Variants in CTXND2 observed in about 807,000 individuals in gnomAD.
The protein encoded by CTXND2 is cortexin domain containing 2.
intron 1 of CTXND2, among the ~76,000 whole-genome samples, chr1:150,905,580 T>C (rs1669127777): frequency 6.6e-6 from 1 of 152,148 alleles, no homozygotes; most frequent in African/African-American, 2.4e-5. Flanking sequence ...ACAATACTAC[T>C]TATAATCTAA....
At chr1:150,898,262 CTCAGAG>C (rs1668936177) in intron 1 of CTXND2, among the ~76,000 whole-genome samples, 1 of 151,960 alleles carries the variant, frequency 6.6e-6, no homozygotes, top group African/African-American at 2.4e-5. Flanking sequence ...CTGCAGATGC[CTCAGAG>C]TCAATCTCCT....
intron 1 of CTXND2, among the ~76,000 whole-genome samples, chr1:150,904,651 A>G (rs1669105365): frequency 6.6e-6 from 1 of 152,228 alleles, no homozygotes; most frequent in African/African-American, 2.4e-5. Flanking sequence ...GCAAGGGTTG[A>G]AGATAAATAA....
chr1:150,899,027 G>C lies in CTXND2; in HGVS notation c.-74+11714G>C, dbSNP rs587689825. ...GCAGGAGAATGGCATGAACCCGGGAGGGGGAGCTTGCAGTGAGCTGAGATC... is the reference window on the plus strand; with the variant it reads ...GCAGGAGAATGGCATGAACCCGGGACGGGGAGCTTGCAGTGAGCTGAGATC... On this transcript the variant is annotated intron_variant, in intron 1 of 1. Coordinates refer to ENST00000636087, the Ensembl canonical transcript of CTXND2. Among the ~76,000 whole-genome samples, 207 of 151,218 alleles carry C rather than the reference G, an allele frequency of 1.4e-3. 1 individual carries two copies. Among genetic ancestry groups the C allele is most frequent in the African/African-American group, 4.5e-3 (185 of 41,394 alleles).
chr1:150,903,980 A>G (rs1669090561), intron 1 of CTXND2: 1 of 646,276 alleles, frequency 1.5e-6, no homozygotes, highest in Non-Finnish European at 2.9e-6. Flanking sequence ...CAAGCACAAG[A>G]CTGGGCCTAA....
chr1:150,906,727 C>T (rs1558002168), intron 1 of CTXND2, among the ~76,000 whole-genome samples: 1 of 149,586 alleles, frequency 6.7e-6, no homozygotes, highest in South Asian at 2.1e-4. Flanking sequence ...GCCAATCCCC[C>T]CAACCCATCA....
chr1:150,909,681 T>C (rs2102604708), intron 1 of CTXND2, among the ~76,000 whole-genome samples: 1 of 152,320 alleles, frequency 6.6e-6, no homozygotes, highest in African/African-American at 2.4e-5. Context: ...TATCTTTGTA[T>C]GTGGTGTGAA....
chr1:150,895,655 G>C (rs1341399845), intron 1 of CTXND2, among the ~76,000 whole-genome samples: 1 of 152,152 alleles, frequency 6.6e-6, no homozygotes, highest in African/African-American at 2.4e-5. Flanking sequence ...CCATGAAGAA[G>C]TCTTTCTTCA....
chr1:150,905,438 A>G (rs1669125079), intron 1 of CTXND2, among the ~76,000 whole-genome samples: 1 of 151,696 alleles, frequency 6.6e-6, no homozygotes, highest in Non-Finnish European at 1.5e-5. Context: ...GAGCCGTGGC[A>G]CCCGGCCTTA....
chr1:150,898,743 A>G (rs149162922), intron 1 of CTXND2, among the ~76,000 whole-genome samples: 2 of 144,730 alleles, frequency 1.4e-5, no homozygotes, highest in East Asian at 4.0e-4. Flanking sequence ...CCACAGAGCA[A>G]GATTCTGACT....
chr1:150,912,230 T>C lies in CTXND2; in HGVS notation c.-73-12T>C. On this transcript the variant is annotated splice_polypyrimidine_tract_variant and intron_variant, in intron 1 of 1. Coordinates refer to ENST00000636087, the Ensembl canonical transcript of CTXND2. ...ACAAACCGATAAGCCTGTTTTATCCTCCTTTGTCTAGGAATATGACAAATC... is the reference window on the plus strand; with the variant it reads ...ACAAACCGATAAGCCTGTTTTATCCCCCTTTGTCTAGGAATATGACAAATC... 2.5e-6 allele frequency: 1 copy of C among 397,898 alleles called. No homozygotes were observed. The highest frequency in any genetic ancestry group is 2.1e-5 in the African/African-American group (1 of 48,736). 24.6% of individuals were successfully genotyped at this position (397,898 alleles called of 1,614,324 possible). A position where few individuals can be genotyped will look rare whatever the true frequency, so the allele number is the denominator to read the frequency against.
intron 1 of CTXND2, among the ~76,000 whole-genome samples, chr1:150,889,618 T>A (rs1668821830): frequency 1.3e-5 from 2 of 152,002 alleles, no homozygotes; most frequent in African/African-American, 4.8e-5. Context: ...AGCCCTTGTT[T>A]CCCCTTGTTG....
intron 1 of CTXND2, among the ~76,000 whole-genome samples, chr1:150,896,069 G>T (rs587600238): frequency 6.6e-6 from 1 of 152,144 alleles, no homozygotes; most frequent in African/African-American, 2.4e-5. Context: ...TCTGTTTAAC[G>T]GAGAATCCGT....
chr1:150,900,367 A>T (rs1273369423), intron 1 of CTXND2, among the ~76,000 whole-genome samples: 1 of 152,198 alleles, frequency 6.6e-6, no homozygotes, highest in Non-Finnish European at 1.5e-5. Flanking sequence ...TGGAAGGAAG[A>T]AAGTCCAGAC....
chr1:150,889,229 G>A (rs1450508601), intron 1 of CTXND2, among the ~76,000 whole-genome samples: 1 of 151,840 alleles, frequency 6.6e-6, no homozygotes, highest in Admixed American at 6.6e-5. Flanking sequence ...CTAACAGGAT[G>A]AGACCCCGTC....
intron 1 of CTXND2, among the ~76,000 whole-genome samples, chr1:150,909,907 G>A (rs587670006): frequency 6.6e-6 from 1 of 152,198 alleles, no homozygotes; most frequent in Admixed American, 6.5e-5. Context: ...ACAATGTGTA[G>A]GAAAACAGGA....
At chr1:150,905,834 C>CA (rs1669134854) in intron 1 of CTXND2, among the ~76,000 whole-genome samples, 1 of 151,682 alleles carries the variant, frequency 6.6e-6, no homozygotes, top group African/African-American at 2.4e-5. Flanking sequence ...ACTAAAAATA[C>CA]AAAAAATTAG....
At chr1:150,892,441 C>G (rs1477783237) in intron 1 of CTXND2, among the ~76,000 whole-genome samples, 1 of 152,034 alleles carries the variant, frequency 6.6e-6, no homozygotes, top group Non-Finnish European at 1.5e-5. Flanking sequence ...GTCATAAACC[C>G]TATAGCTTTA....
chr1:150,899,455 T>TTTAAAAA (rs587732341), intron 1 of CTXND2, among the ~76,000 whole-genome samples: 151 of 152,088 alleles, frequency 9.9e-4, no homozygotes, highest in African/African-American at 3.4e-3. Context: ...AATTTAAAAA[T>TTTAAAAA]TTAAAAATTC....
At chr1:150,908,382 C>A (rs923680050) in intron 1 of CTXND2, among the ~76,000 whole-genome samples, 1 of 152,122 alleles carries the variant, frequency 6.6e-6, no homozygotes, top group African/African-American at 2.4e-5. Context: ...ACATTCCCAC[C>A]AACCGTCAAT....
Sources: gnomAD v4.1 joint callset for allele counts (sites outside exome capture counted in the v4.1 genomes callset) on GRCh38, gnomAD v4.1.1 for gene constraint, MANE v1.5 for transcripts, NCBI Gene and HGNC (gene_info 2026-07-23, HGNC 2026-07-21) for gene names.